The following PRPF40B variants were observed in gnomAD, a reference collection of about 807,000 sequenced individuals.
PRPF40B encodes pre-mRNA processing factor 40B, also known as pre-mRNA-processing factor 40 homolog B.
Under a neutral mutation model 124.5 loss-of-function variants are expected in PRPF40B, and 56 were observed. The observed-to-expected ratio is 0.45, with a 90% CI of 0.36 to 0.56. The LOEUF is 0.56. Ranked by LOEUF, PRPF40B falls within the 20% of genes least tolerant of loss-of-function variation. The probability of loss-of-function intolerance (pLI) is 0.00; values close to 1 mark genes in which losing one functional copy is unlikely to be tolerated. For missense variants in PRPF40B, 1,053 were observed against 1,169.5 expected (o/e 0.90, Z 1.45); for synonymous variants, 443 against 426.4 (o/e 1.04, Z -0.48).
At chr12:49,623,650 G>A in intron 1 of PRPF40B, 57 bp downstream of exon 1, 4 of 1,229,502 alleles carry the variant, frequency 3.3e-6, no homozygotes, top group Non-Finnish European at 3.0e-6. Context: ...CGCCCCCTGC[G>A]GCCCGGGCCG....
chr12:49,635,527 TCTTTG>T lies in PRPF40B; in HGVS notation c.1275+60_1275+64del. The T allele has an allele frequency of 6.5e-7, 1 of 1,529,616 alleles. No individual in the cohort carries two copies. The highest frequency in any genetic ancestry group is 1.2e-5 in the South Asian group (1 of 82,438). 94.8% of individuals were successfully genotyped at this position (1,529,616 alleles called of 1,614,324 possible). ...CCCATCTCATCCTGGACTTTCCTTGTCTTTGCTTTGTTATGGACCCTCGCCATTTA... is the reference window on the plus strand; with the variant it reads ...CCCATCTCATCCTGGACTTTCCTTGTCTTTGTTATGGACCCTCGCCATTTA... On this transcript the variant is annotated intron_variant, in intron 14 of 25. Transcript: ENST00000548825. This position sits in a 1 kb window ranked among gnomAD's most constrained non-coding sequence, Gnocchi z 4.1.
chr12:49,627,836 G>A (rs1043366380), intron 1 of PRPF40B, among the ~76,000 whole-genome samples: 15 of 152,178 alleles, frequency 9.9e-5, no homozygotes, highest in Admixed American at 5.2e-4. Flanking sequence ...TGGTGGAAAA[G>A]GAAATGGAGA....
intron 12 of PRPF40B, 167 bp from the exon 13 acceptor site, chr12:49,634,932 C>A: frequency 1.3e-6 from 1 of 757,520 alleles, no homozygotes; most frequent in Non-Finnish European, 2.1e-6. Context: ...ATCTCTTCCC[C>A]TCACTTCCTG....
At chr12:49,637,373 T>C (rs1592600611) in intron 16 of PRPF40B, 97 bp from the exon 17 acceptor site, 1 of 783,568 alleles carries the variant, frequency 1.3e-6, no homozygotes, top group African/African-American at 1.7e-5. Context: ...ATCTTGATTG[T>C]CCCTGCCTCT....
Position 49,630,601 on chromosome 12 carries a change from G to A in PRPF40B, c.60G>A (p.Gly20=). ...PPAAPAPFPP[G]PPMMPPPFMP... ...CAGCGCCTGCCCCCTTCCCACCGGGGCCCCCCATGATGCCACCACCCTTCG... is the reference window on the plus strand; with the variant it reads ...CAGCGCCTGCCCCCTTCCCACCGGGACCCCCCATGATGCCACCACCCTTCG... Residue 20 remains glycine (G), a synonymous_variant, in exon 2 of 26, where the codon GGG becomes GGA. Transcript: ENST00000548825. 2 of 1,349,814 alleles carry A rather than the reference G, an allele frequency of 1.5e-6. No homozygotes were observed. The highest frequency in any genetic ancestry group is 1.1e-6 in the Non-Finnish European group (1 of 941,426). The allele number at this position is 1,349,814 out of a possible 1,614,324, so 83.6% of individuals were successfully genotyped here. A position where few individuals can be genotyped will look rare whatever the true frequency, so the allele number is the denominator to read the frequency against.
Position 49,635,704 on chromosome 12 carries a change from C to A in PRPF40B, c.1276-139C>A. On this transcript the variant is annotated intron_variant, in intron 14 of 25. Transcript: ENST00000548825. The surrounding 1 kb of genome is among the most constrained non-coding windows in gnomAD (Gnocchi z 4.1). ...GGGTCTGTAACCTGTACTCCCTCCC[C>A]TTCCCTGAGACATGAAAGTCTTGAG... is the stretch of plus-strand genomic sequence containing the variant. 9.4e-7 allele frequency: 1 copy of A among 1,068,482 alleles called. No homozygotes were observed. The highest frequency in any genetic ancestry group is 1.3e-6 in the Non-Finnish European group (1 of 743,290). 66.2% of individuals were successfully genotyped at this position (1,068,482 alleles called of 1,614,324 possible). A position where few individuals can be genotyped will look rare whatever the true frequency, so the allele number is the denominator to read the frequency against.
rs373033025 is a variant in PRPF40B at position 49,636,854 on chromosome 12, C to T, written c.1560+5C>T. 1.2e-6 allele frequency: 2 copies of T among 1,613,532 alleles called. No individual in the cohort carries two copies. Among genetic ancestry groups the T allele is most frequent in the Non-Finnish European group, 8.5e-7 (1 of 1,179,978 alleles). Reference sequence around the variant, plus strand: ...AAGAATCGGGAGGCCTTCCAGGTATCTTTGCTGTCCTTTCTAGATCAGAGC... The same window carrying T: ...AAGAATCGGGAGGCCTTCCAGGTATTTTTGCTGTCCTTTCTAGATCAGAGC... On this transcript the variant is annotated splice_donor_5th_base_variant and intron_variant, in intron 16 of 25. Coordinates refer to ENST00000548825, the MANE Select transcript of PRPF40B (RefSeq NM_001031698.3).
At chr12:49,636,023 C>A (rs1263353641) in intron 15 of PRPF40B, 30 bp downstream of exon 15, 2 of 1,612,118 alleles carry the variant, frequency 1.2e-6, no homozygotes, top group Admixed American at 3.3e-5. Flanking sequence ...CCCAGCTATC[C>A]CTTTCCCTTT....
chr12:49,644,139 G>C lies in PRPF40B; in HGVS notation c.2626G>C (p.Glu876Gln). The C allele has an allele frequency of 6.2e-7, 1 of 1,614,182 alleles. No individual in the cohort carries two copies. Among genetic ancestry groups the C allele is most frequent in the Non-Finnish European group, 8.5e-7 (1 of 1,180,052 alleles). The part of the protein sequence containing the change: ...DTSESELSEG[E>Q]LERRRRTLLQ... The stretch of plus-strand genomic sequence containing the variant: ...GTCAGAAAGTGAGCTGAGTGAGGGT[G>C]AGCTGGAGAGGCGGCGGCGGACACT... The change falls in exon 26 of 26, where the codon GAG becomes CAG. Residue 876 changes from glutamate (E) to glutamine (Q), a missense_variant. Transcript: ENST00000548825.
At chr12:49,637,930 T>A (rs1942070325) in intron 18 of PRPF40B, 106 bp downstream of exon 18, 2 of 849,614 alleles carry the variant, frequency 2.4e-6, no homozygotes, top group Non-Finnish European at 3.9e-6. Context: ...ACAGCTTGGT[T>A]CAGCAGATAT....
chr12:49,632,997 C>CT lies in PRPF40B; in HGVS notation c.349-17_349-16insT, dbSNP rs553670747. ...AAGGGGCCTTGACCACCATTCTGTG[C>CT]CCCCCCCCCCACCCAGAGGGCCCTA... On this transcript the variant is annotated splice_polypyrimidine_tract_variant and intron_variant, in intron 6 of 25. Transcript: ENST00000548825. 2 of 230,078 alleles carry CT rather than the reference C, an allele frequency of 8.7e-6. No homozygotes were observed. The highest frequency in any genetic ancestry group is 5.3e-5 in the South Asian group (1 of 18,888). 14.3% of individuals were successfully genotyped at this position (230,078 alleles called of 1,614,324 possible).
chr12:49,634,370 C>A lies in PRPF40B; in HGVS notation c.851C>A (p.Ser284Ter). Residue 284 changes from serine (S) to a stop codon, truncating the protein, a stop_gained, in exon 11 of 26, where the codon TCA becomes TAA. Transcript: ENST00000548825. LOFTEE classifies it high-confidence loss of function. ...QHQPQQEEEE[S>*]KPEPERSGLS... is the part of the protein sequence containing the mutation. Reference sequence around the variant, plus strand: ...CAGCCACAGCAGGAGGAGGAGGAATCAAAGCCAGAACCAGAGAGGTCTGGC... The same window carrying A: ...CAGCCACAGCAGGAGGAGGAGGAATAAAAGCCAGAACCAGAGAGGTCTGGC... 1 of 1,614,210 alleles carries A rather than the reference C, an allele frequency of 6.2e-7. No individual in the cohort carries two copies. The highest frequency in any genetic ancestry group is 8.5e-7 in the Non-Finnish European group (1 of 1,180,032).
chr12:49,632,999 C>CCG lies in PRPF40B; in HGVS notation c.349-14_349-13insGC. The CCG allele has an allele frequency of 2.0e-6, 1 of 498,590 alleles. No individual in the cohort carries two copies. The highest frequency in any genetic ancestry group is 1.5e-5 in the South Asian group (1 of 64,722). 30.9% of individuals were successfully genotyped at this position (498,590 alleles called of 1,614,324 possible). A position where few individuals can be genotyped will look rare whatever the true frequency, so the allele number is the denominator to read the frequency against. On this transcript the variant is annotated splice_polypyrimidine_tract_variant and intron_variant, in intron 6 of 25. Transcript: ENST00000548825. ...GGGGCCTTGACCACCATTCTGTGCCCCCCCCCCCACCCAGAGGGCCCTATG... is the reference window on the plus strand; with the variant it reads ...GGGGCCTTGACCACCATTCTGTGCCCCGCCCCCCCCACCCAGAGGGCCCTATG...
Position 49,635,529 on chromosome 12 carries a change from T to C in PRPF40B, c.1275+56T>C. 1 of 1,519,290 alleles carries C rather than the reference T, an allele frequency of 6.6e-7. No individual in the cohort carries two copies. Among genetic ancestry groups the C allele is most frequent in the Non-Finnish European group, 9.0e-7 (1 of 1,115,188 alleles). The allele number at this position is 1,519,290 out of a possible 1,614,324, so 94.1% of individuals were successfully genotyped here. A position where few individuals can be genotyped will look rare whatever the true frequency, so the allele number is the denominator to read the frequency against. On this transcript the variant is annotated intron_variant, in intron 14 of 25. Transcript: ENST00000548825. This position sits in a 1 kb window ranked among gnomAD's most constrained non-coding sequence, Gnocchi z 4.1. ...CATCTCATCCTGGACTTTCCTTGTC[T>C]TTGCTTTGTTATGGACCCTCGCCAT...
intron 1 of PRPF40B, among the ~76,000 whole-genome samples, chr12:49,629,237 G>A (rs189928288): frequency 1.3e-4 from 20 of 152,280 alleles, no homozygotes; most frequent in African/African-American, 4.8e-4. Context: ...ATAAAAGTTT[G>A]CTGCACCTTG....
At position 49,634,354 on chromosome 12, in the gene PRPF40B, C is replaced by CAGG. The variant is rs1941533464; in HGVS notation, c.846_848dup (p.Glu283dup). The CAGG allele has an allele frequency of 1.2e-6, 2 of 1,614,092 alleles. No individual in the cohort carries two copies. The highest frequency in any genetic ancestry group is 1.7e-6 in the Non-Finnish European group (2 of 1,180,038). ...CAGTTCTGGACAGCATCAGCCACAG[C>CAGG]AGGAGGAGGAGGAATCAAAGCCAGA... On this transcript the variant is annotated inframe_insertion, in exon 11 of 26. Coordinates refer to ENST00000548825, the MANE Select transcript of PRPF40B (RefSeq NM_001031698.3).
intron 16 of PRPF40B, 37 bp from the exon 17 acceptor site, chr12:49,637,433 G>C: frequency 1.4e-6 from 2 of 1,467,690 alleles, no homozygotes; most frequent in South Asian, 1.1e-5. Flanking sequence ...CTGCCTCCCT[G>C]TCTCACTCTC....
At position 49,644,438 on chromosome 12, in the gene PRPF40B, G is replaced by A; in HGVS notation, c.*246G>A. The A allele has an allele frequency of 1.9e-6, 1 of 523,206 alleles. No homozygotes were observed. The highest frequency in any genetic ancestry group is 3.5e-6 in the Non-Finnish European group (1 of 286,474). 32.4% of individuals were successfully genotyped at this position (523,206 alleles called of 1,614,324 possible). ...CAGAGATGGGTGGTATATGCCATGT[G>A]GGGTGGGTGATGCCAGTAGATAAAA... On this transcript the variant is annotated 3_prime_UTR_variant, in exon 26 of 26. Transcript: ENST00000548825.
chr12:49,630,967 A>C (rs1214301523), intron 2 of PRPF40B, among the ~76,000 whole-genome samples: 1 of 152,174 alleles, frequency 6.6e-6, no homozygotes, highest in African/African-American at 2.4e-5. Context: ...ATGCCACAGA[A>C]TTCGGGCTGG....
Sources: allele counts gnomAD v4.1 joint callset (sites outside exome capture counted in the v4.1 genomes callset), GRCh38; gene constraint gnomAD v4.1.1; non-coding constraint Gnocchi (gnomAD v3.1); transcripts MANE v1.5; gene names NCBI Gene and HGNC (gene_info 2026-07-23, HGNC 2026-07-21).